Variants in MAP4 observed in about 807,000 individuals in gnomAD.
MAP4 encodes microtubule associated protein 4, also known as microtubule-associated protein 4.
In MAP4, 76 loss-of-function variants were observed where a neutral mutation model predicts 170.2. The ratio of observed to expected loss-of-function variants is 0.45; its 90% CI spans 0.37 to 0.54. MAP4 has a LOEUF of 0.54. Among genes scored for constraint, MAP4 ranks in the 20% least tolerant of loss-of-function variants. MAP4 has a pLI of 0.00. For missense variants in MAP4, 2,506 were observed against 2,748.0 expected (o/e 0.91, Z 1.97); for synonymous variants, 909 against 994.5 (o/e 0.91, Z 1.62).
intron 3 of MAP4, among the ~76,000 whole-genome samples, chr3:47,948,225 CTTTT>C (rs35761893): frequency 7.8e-6 from 1 of 128,384 alleles, no homozygotes; most frequent in Non-Finnish European, 1.7e-5. Flanking sequence ...TTGACCTATT[CTTTT>C]TTTTTTTTTT....
intron 3 of MAP4, among the ~76,000 whole-genome samples, chr3:47,966,333 G>C (rs1253631691): frequency 7.3e-6 from 1 of 136,104 alleles, no homozygotes; most frequent in African/African-American, 2.8e-5. Context: ...TGTAAGCTCT[G>C]CCTCCTAGGT....
chr3:47,955,143 G>C (rs1280566500), intron 3 of MAP4, among the ~76,000 whole-genome samples: 1 of 152,064 alleles, frequency 6.6e-6, no homozygotes, highest in African/African-American at 2.4e-5. Context: ...ATAAACTCGT[G>C]GACTATCATA....
At chr3:48,046,934 A>T (rs1245550372) in intron 1 of MAP4, among the ~76,000 whole-genome samples, 3 of 151,900 alleles carry the variant, frequency 2.0e-5, no homozygotes, top group Non-Finnish European at 4.4e-5. Context: ...CTCTACTAAA[A>T]ATACAAAAAA....
At chr3:47,976,260 G>A (rs544509259) in intron 3 of MAP4, among the ~76,000 whole-genome samples, 2 of 152,264 alleles carry the variant, frequency 1.3e-5, no homozygotes, top group African/African-American at 4.8e-5. Context: ...AGGGAATCCT[G>A]AAACAGTGAG....
At chr3:47,887,525 G>A (rs894123569) in intron 10 of MAP4, among the ~76,000 whole-genome samples, 7 of 152,126 alleles carry the variant, frequency 4.6e-5, no homozygotes, top group Admixed American at 2.0e-4. Context: ...GAGCCTCCCT[G>A]ACAAGCACCA....
intron 1 of MAP4, among the ~76,000 whole-genome samples, chr3:48,023,430 G>A (rs1206870250): frequency 6.6e-6 from 1 of 151,980 alleles, no homozygotes; most frequent in Non-Finnish European, 1.5e-5. Flanking sequence ...AAAAGAGAAG[G>A]AGGCTTCGGA....
intron 2 of MAP4, among the ~76,000 whole-genome samples, chr3:47,985,185 C>G (rs2100087877): frequency 6.6e-6 from 1 of 152,060 alleles, no homozygotes; most frequent in African/African-American, 2.4e-5. Context: ...GAGGCTGAGG[C>G]AGGAGGATCA....
intron 10 of MAP4, among the ~76,000 whole-genome samples, chr3:47,888,164 A>G (rs1232268354): frequency 6.6e-6 from 1 of 152,146 alleles, no homozygotes. Context: ...TAGCTCAGGG[A>G]TTGTAAACGC....
chr3:47,933,949 A>G (rs1232173674), intron 3 of MAP4, among the ~76,000 whole-genome samples: 1 of 152,172 alleles, frequency 6.6e-6, no homozygotes. Flanking sequence ...GGTTCCCCAG[A>G]GCTGAATGTG....
At chr3:48,037,216 C>G (rs1458548864) in intron 1 of MAP4, among the ~76,000 whole-genome samples, 1 of 152,112 alleles carries the variant, frequency 6.6e-6, no homozygotes, top group Non-Finnish European at 1.5e-5. Context: ...CCCTTTAGCT[C>G]TTCATGTGCT....
At chr3:48,041,084 A>C (rs1277337205) in intron 1 of MAP4, among the ~76,000 whole-genome samples, 1 of 152,182 alleles carries the variant, frequency 6.6e-6, no homozygotes, top group Non-Finnish European at 1.5e-5. Flanking sequence ...TTAAAATAGC[A>C]TAAAAAAATA....
At chr3:47,929,353 C>T (rs960612673) in intron 3 of MAP4, among the ~76,000 whole-genome samples, 2 of 152,010 alleles carry the variant, frequency 1.3e-5, no homozygotes, top group Admixed American at 6.6e-5. Flanking sequence ...AAGACTGTAC[C>T]AACTCAGCAT....
chr3:47,852,498 A>AG lies in MAP4; in HGVS notation c.*435dup, dbSNP rs763118385. On this transcript the variant is annotated 3_prime_UTR_variant, in exon 21 of 21. Transcript: ENST00000683076. ...TTCCCTCCAGGTAGATCCAGGGAGA[A>AG]GGGAGGGCATGTCAGTTTCTTTTGG... is the stretch of plus-strand genomic sequence containing the variant. 1 of 406,124 alleles carries AG rather than the reference A, an allele frequency of 2.5e-6. No homozygotes were observed. The allele number at this position is 406,124 out of a possible 1,614,324, so 25.2% of individuals were successfully genotyped here.
chr3:48,072,406 C>T (rs2100141469), intron 1 of MAP4, among the ~76,000 whole-genome samples: 1 of 152,046 alleles, frequency 6.6e-6, no homozygotes, highest in South Asian at 2.1e-4. Context: ...GAGGGTGAGA[C>T]AGGAGAATCA....
intron 1 of MAP4, among the ~76,000 whole-genome samples, chr3:48,025,661 G>A (rs1210846689): frequency 6.6e-6 from 1 of 151,740 alleles, no homozygotes; most frequent in East Asian, 2.0e-4. Context: ...CACTTTGGGC[G>A]GTCAAGGCGG....
intron 1 of MAP4, among the ~76,000 whole-genome samples, chr3:48,063,548 A>G (rs575391463): frequency 1.3e-5 from 2 of 152,218 alleles, no homozygotes; most frequent in African/African-American, 4.8e-5. Flanking sequence ...CTACATGTGG[A>G]CATTTATAGT....
intron 13 of MAP4, 23 bp downstream of exon 13, chr3:47,871,894 T>A: frequency 6.3e-7 from 1 of 1,589,474 alleles, no homozygotes; most frequent in South Asian, 1.1e-5. Context: ...CTAGTTCCCA[T>A]GGGAGAGAAA....
chr3:47,911,700 G>A lies in MAP4; in HGVS notation c.2721C>T (p.Pro907=). Residue 907 remains proline, a synonymous_variant, in exon 9 of 21, where the codon CCC becomes CCT. Transcript: ENST00000683076. This position sits in a 1 kb window ranked among gnomAD's most constrained non-coding sequence, Gnocchi z 4.0. ...KQHEYKPQPA[P]HLKTPVDKSQ... is the part of the protein sequence containing the mutation. ...TTTTATCTACAGGAGTCTTCAGGTG[G>A]GGTGCAGGCTGTGGTTTGTATTCAT... is the stretch of plus-strand genomic sequence containing the variant. 3.9e-6 allele frequency: 6 copies of A among 1,536,106 alleles called. No homozygotes were observed. The highest frequency in any genetic ancestry group is 5.2e-6 in the Non-Finnish European group (6 of 1,146,900).
chr3:48,057,615 A>T (rs1559874221), intron 1 of MAP4, among the ~76,000 whole-genome samples: 1 of 133,664 alleles, frequency 7.5e-6, no homozygotes, highest in Non-Finnish European at 1.6e-5. Context: ...ATAAAAAAAT[A>T]AATAAATAAA....
Sources: allele counts gnomAD v4.1 joint callset (sites outside exome capture counted in the v4.1 genomes callset), GRCh38; gene constraint gnomAD v4.1.1; non-coding constraint Gnocchi (gnomAD v3.1); transcripts MANE v1.5; gene names NCBI Gene and HGNC (gene_info 2026-07-23, HGNC 2026-07-21).